The following AP3B1 variants were observed in gnomAD, a reference collection of about 807,000 sequenced individuals.
The protein encoded by AP3B1 is adaptor related protein complex 3 subunit beta 1.
Under a neutral mutation model 132.5 loss-of-function variants are expected in AP3B1, and 61 were observed. The observed-to-expected ratio is 0.46, with a 90% CI of 0.37 to 0.57. The LOEUF (loss-of-function observed/expected upper bound fraction) is 0.57. AP3B1 is among the 20% of genes least tolerant of loss of function. The probability of loss-of-function intolerance (pLI) is 0.00; values close to 1 mark genes in which losing one functional copy is unlikely to be tolerated. For missense variants in AP3B1, 1,120 were observed against 1,289.4 expected, an observed-to-expected ratio of 0.87 and a Z score of 2.01; for synonymous variants, 388 against 438.3, an observed-to-expected ratio of 0.89 and a Z score of 1.43.
chr5:78,146,612 C>G (rs1324007100), intron 14 of AP3B1, among the ~76,000 whole-genome samples: 2 of 152,080 alleles, frequency 1.3e-5, no homozygotes, highest in Non-Finnish European at 2.9e-5. Flanking sequence ...CTTTTCAACT[C>G]ATATATATTT....
At chr5:78,089,663 T>C (rs1580331506) in intron 21 of AP3B1, among the ~76,000 whole-genome samples, 164 bp from the exon 22 acceptor site, 2 of 152,354 alleles carry the variant, frequency 1.3e-5, no homozygotes, top group South Asian at 4.1e-4. Flanking sequence ...TATCAAGTCA[T>C]GGCAGTTATT....
At position 78,031,642 on chromosome 5, in the gene AP3B1, T is replaced by G. The variant is rs1351205638; in HGVS notation, c.2894+2719A>C. ...GCAGTTAATTCCCTGATGACTGTCT[T>G]AAGACCCCTACTCATGCTGTGCTTG... On this transcript the variant is annotated intron_variant, in intron 24 of 26. Transcript: ENST00000255194. Among the ~76,000 whole-genome samples the G allele has an allele frequency of 2.0e-5, 3 of 152,186 alleles. No homozygotes were observed. In the East Asian group the frequency reaches 5.8e-4, roughly 29 times the overall value.
At chr5:78,121,967 A>T (rs1752226680) in intron 17 of AP3B1, 1 of 152,298 alleles carries the variant, frequency 6.6e-6, no homozygotes, top group South Asian at 2.1e-4. Context: ...GGCAAACCGA[A>T]TCCAGCAGCA....
chr5:78,018,367 T>C (rs1003805616), intron 25 of AP3B1, among the ~76,000 whole-genome samples: 1 of 151,902 alleles, frequency 6.6e-6, no homozygotes, highest in Admixed American at 6.6e-5. Flanking sequence ...TAAACACAAC[T>C]GAGAAAAAGT....
chr5:78,105,134 C>T (rs918489814), intron 20 of AP3B1, among the ~76,000 whole-genome samples: 2 of 152,030 alleles, frequency 1.3e-5, no homozygotes, highest in African/African-American at 4.8e-5. Flanking sequence ...ATAAAATTTA[C>T]TCACAATAAA....
At chr5:78,094,236 A>C (rs1041986767) in intron 21 of AP3B1, among the ~76,000 whole-genome samples, 2 of 152,218 alleles carry the variant, frequency 1.3e-5, no homozygotes, top group African/African-American at 4.8e-5. Flanking sequence ...GAAACATAGA[A>C]AGCATATTGA....
chr5:78,097,177 C>T (rs1750868238), intron 21 of AP3B1, among the ~76,000 whole-genome samples: 2 of 132,530 alleles, frequency 1.5e-5, no homozygotes, highest in Admixed American at 1.4e-4. Context: ...GCCCAGCTGC[C>T]CCTACTGGGA....
chr5:78,069,193 C>G (rs1432658404), intron 22 of AP3B1, among the ~76,000 whole-genome samples: 1 of 152,148 alleles, frequency 6.6e-6, no homozygotes, highest in Non-Finnish European at 1.5e-5. Flanking sequence ...CATTGAAAAC[C>G]AGCACAAGAC....
intron 24 of AP3B1, among the ~76,000 whole-genome samples, chr5:78,031,125 T>C (rs1747557215): frequency 6.6e-6 from 1 of 152,246 alleles, no homozygotes; most frequent in South Asian, 2.1e-4. Context: ...TTCTAGTTGA[T>C]TTCCTTGACC....
At chr5:78,067,148 C>T (rs1749326501) in intron 22 of AP3B1, among the ~76,000 whole-genome samples, 1 of 151,928 alleles carries the variant, frequency 6.6e-6, no homozygotes, top group Non-Finnish European at 1.5e-5. Flanking sequence ...GATTTTAAAC[C>T]AACAAAGATC....
intron 20 of AP3B1, among the ~76,000 whole-genome samples, chr5:78,107,470 G>T (rs1485307673): frequency 6.6e-6 from 1 of 152,110 alleles, no homozygotes; most frequent in East Asian, 1.9e-4. Context: ...GAAAAAACCT[G>T]AATGCCACAG....
At chr5:78,045,882 T>C (rs1469464875) in intron 22 of AP3B1, among the ~76,000 whole-genome samples, 1 of 152,250 alleles carries the variant, frequency 6.6e-6, no homozygotes, top group Non-Finnish European at 1.5e-5. Context: ...TTGCAAACTA[T>C]AACCCACAAG....
At chr5:78,279,787 ATATATAT>A (rs1410822763) in intron 1 of AP3B1, among the ~76,000 whole-genome samples, 1 of 146,676 alleles carries the variant, frequency 6.8e-6, no homozygotes, top group Non-Finnish European at 1.5e-5. Context: ...TATAAAATTT[ATATATAT>A]TATATATTAA....
At chr5:78,171,648 T>G (rs1349692605) in intron 11 of AP3B1, among the ~76,000 whole-genome samples, 1 of 152,190 alleles carries the variant, frequency 6.6e-6, no homozygotes, top group African/African-American at 2.4e-5. Flanking sequence ...GCTGAGACGA[T>G]GGGGTTTTCT....
chr5:78,134,015 G>T (rs895392255), intron 15 of AP3B1, among the ~76,000 whole-genome samples: 3 of 151,762 alleles, frequency 2.0e-5, no homozygotes, highest in African/African-American at 7.3e-5. Flanking sequence ...GCCGGGCATG[G>T]TGGCGGGCAC....
intron 6 of AP3B1, among the ~76,000 whole-genome samples, chr5:78,217,926 A>C (rs1180038230): frequency 6.6e-6 from 1 of 152,100 alleles, no homozygotes; most frequent in Non-Finnish European, 1.5e-5. Context: ...GTGTTTTGAT[A>C]CTAAACAATT....
At chr5:78,062,203 G>A (rs1022024968) in intron 22 of AP3B1, among the ~76,000 whole-genome samples, 2 of 152,198 alleles carry the variant, frequency 1.3e-5, no homozygotes, top group African/African-American at 4.8e-5. Flanking sequence ...GGTGTGGACA[G>A]GGTAGTTAGA....
chr5:78,223,772 A>G (rs1019645181), intron 6 of AP3B1, among the ~76,000 whole-genome samples: 1 of 152,230 alleles, frequency 6.6e-6, no homozygotes, highest in African/African-American at 2.4e-5. Flanking sequence ...CTGGAGCCTA[A>G]AACTCATAAA....
chr5:78,141,079 G>T, intron 15 of AP3B1, 64 bp downstream of exon 15: 2 of 1,467,054 alleles, frequency 1.4e-6, no homozygotes, highest in South Asian at 2.3e-5. Flanking sequence ...ACAGACCCCC[G>T]CTGTTTGATC....
Sources: gnomAD v4.1 joint callset for allele counts (sites outside exome capture counted in the v4.1 genomes callset) on GRCh38, gnomAD v4.1.1 for gene constraint, MANE v1.5 for transcripts, NCBI Gene and HGNC (gene_info 2026-07-23, HGNC 2026-07-21) for gene names.